The following PLEKHM3 variants were observed in gnomAD, a reference collection of about 807,000 sequenced individuals.
PLEKHM3 encodes pleckstrin homology domain containing M3, also known as pleckstrin homology domain-containing family M member 3.
In PLEKHM3, 45 loss-of-function variants were observed where a neutral mutation model predicts 81.8. The ratio of observed to expected loss-of-function variants is 0.55; its 90% CI spans 0.43 to 0.71. The LOEUF (loss-of-function observed/expected upper bound fraction) is 0.71, where lower values mean the gene tolerates loss of function less well. PLEKHM3 is among the 30% of genes least tolerant of loss of function. The probability of loss-of-function intolerance (pLI) is 0.00; values close to 1 mark genes in which losing one functional copy is unlikely to be tolerated. For missense variants in PLEKHM3, 788 were observed against 924.3 expected, an observed-to-expected ratio of 0.85 and a Z score of 1.91; for synonymous variants, 352 against 356.4, an observed-to-expected ratio of 0.99 and a Z score of 0.14.
chr2:207,984,323 A>T (rs886084380), intron 2 of PLEKHM3, among the ~76,000 whole-genome samples: 1 of 152,022 alleles, frequency 6.6e-6, no homozygotes, highest in Non-Finnish European at 1.5e-5. Context: ...CTTTTTTCAC[A>T]CCCAACAAAA....
chr2:208,015,595 C>T (rs543598285), intron 1 of PLEKHM3, among the ~76,000 whole-genome samples: 80 of 152,292 alleles, frequency 5.3e-4, no homozygotes, highest in African/African-American at 1.9e-3. Context: ...AATAGCTAAC[C>T]TCAATTGTCT....
In PLEKHM3 at chr2:207,983,113, A is replaced by G. The variant is rs1435994222; in HGVS notation, c.611-5527T>C. Among the ~76,000 whole-genome samples the G allele has an allele frequency of 2.1e-5, 3 of 144,036 alleles. No individual in the cohort carries two copies. The East Asian group carries it at 6.2e-4, about 30-fold the overall frequency. The allele number at this position is 144,036 out of a possible 152,430, so 94.5% of individuals were successfully genotyped here. A position where few individuals can be genotyped will look rare whatever the true frequency, so the allele number is the denominator to read the frequency against. ...GTCGCCCAGGCTGGAGTGCAGTGGC[A>G]TGATCTCGGCTTACTGCCAGCTCCG... On this transcript the variant is annotated intron_variant, in intron 2 of 7. Coordinates refer to ENST00000427836, the MANE Select transcript of PLEKHM3 (RefSeq NM_001080475.3).
chr2:207,837,749 G>A (rs1477113744), intron 7 of PLEKHM3, among the ~76,000 whole-genome samples: 4 of 134,802 alleles, frequency 3.0e-5, no homozygotes, highest in Non-Finnish European at 1.5e-5. Flanking sequence ...ACGGCGCCTG[G>A]CCGGTTCTTC....
At chr2:207,905,820 G>A (rs1688582526) in intron 6 of PLEKHM3, among the ~76,000 whole-genome samples, 1 of 152,152 alleles carries the variant, frequency 6.6e-6, no homozygotes, top group Non-Finnish European at 1.5e-5. Context: ...ACTGAAAACT[G>A]ATTAAGCTGC....
In PLEKHM3 at chr2:207,828,332, T is replaced by C; in HGVS notation, c.2273A>G (p.Tyr758Cys). 6.2e-7 allele frequency: 1 copy of C among 1,612,816 alleles called. No individual in the cohort carries two copies. The highest frequency in any genetic ancestry group is 8.5e-7 in the Non-Finnish European group (1 of 1,179,470). The change falls in exon 8 of 8, where the codon TAC becomes TGC. Residue 758 changes from tyrosine to cysteine, a missense_variant. By Grantham distance (194) the Tyr-to-Cys change is radical. Coordinates refer to ENST00000427836, the MANE Select transcript of PLEKHM3 (RefSeq NM_001080475.3). ...EEACTMFELS[Y>C]QNT ...GGTCGGCTGGAGTCAGGTGTTCTGGTAGGACAGCTCGAACATGGTGCAAGC... is the reference window on the plus strand; with the variant it reads ...GGTCGGCTGGAGTCAGGTGTTCTGGCAGGACAGCTCGAACATGGTGCAAGC...
At position 207,843,624 on chromosome 2, in the gene PLEKHM3, G is replaced by A. The variant is rs965380033; in HGVS notation, c.2109-15128C>T. On this transcript the variant is annotated intron_variant, in intron 7 of 7. Coordinates refer to ENST00000427836, the MANE Select transcript of PLEKHM3 (RefSeq NM_001080475.3). The surrounding 1 kb of genome is among the most constrained non-coding windows in gnomAD (Gnocchi z 4.4). ...CCTCAGGCCTCTGAGCTCATTCCAC[G>A]CTGCCTCCCTCTCTGACTCCTGTGT... Among the ~76,000 whole-genome samples, 2 of 151,944 alleles carry A rather than the reference G, an allele frequency of 1.3e-5. No homozygotes were observed. The highest frequency in any genetic ancestry group is 6.6e-5 in the Admixed American group (1 of 15,262).
chr2:207,903,653 T>C lies in PLEKHM3; in HGVS notation c.1950+4861A>G, dbSNP rs184039189. Among the ~76,000 whole-genome samples the C allele has an allele frequency of 1.7e-3, 260 of 152,346 alleles. 2 individuals carry two copies. Among genetic ancestry groups the C allele is most frequent in the African/African-American group, 6.0e-3 (250 of 41,588 alleles). ...TTTACACAGTCCAAAGACTGACATA[T>C]TAAACCAGAGTTCTGATTTGCTCCT... On this transcript the variant is annotated intron_variant, in intron 6 of 7. Coordinates refer to ENST00000427836, the MANE Select transcript of PLEKHM3 (RefSeq NM_001080475.3).
chr2:207,883,312 C>T (rs1342108120), intron 6 of PLEKHM3, among the ~76,000 whole-genome samples: 2 of 152,176 alleles, frequency 1.3e-5, no homozygotes, highest in African/African-American at 2.4e-5. Flanking sequence ...GGCATCAAAA[C>T]ATCAGAGTCC....
At chr2:207,863,263 GCCC>G (rs1332718102) in intron 6 of PLEKHM3, among the ~76,000 whole-genome samples, 1 of 152,142 alleles carries the variant, frequency 6.6e-6, no homozygotes, top group African/African-American at 2.4e-5. Context: ...AGATGAAGCA[GCCC>G]CCCAGTGCCT....
chr2:207,872,604 GA>G (rs1344792754), intron 6 of PLEKHM3, among the ~76,000 whole-genome samples: 2 of 152,176 alleles, frequency 1.3e-5, no homozygotes, highest in Non-Finnish European at 2.9e-5. Context: ...TTGGGAGGCT[GA>G]GGGGGATGGA....
intron 5 of PLEKHM3, among the ~76,000 whole-genome samples, chr2:207,912,601 T>C (rs1000085363): frequency 1.3e-5 from 2 of 152,192 alleles, no homozygotes; most frequent in African/African-American, 4.8e-5. Context: ...CCTTTTTTTC[T>C]CCCTGGAGGA....
intron 7 of PLEKHM3, among the ~76,000 whole-genome samples, chr2:207,837,852 C>T (rs1246102989): frequency 6.9e-6 from 1 of 144,168 alleles, no homozygotes; most frequent in African/African-American, 2.6e-5. Context: ...CTCACTGCAA[C>T]CTCCATATCC....
rs560586511 is a variant in PLEKHM3, at chr2:207,929,853, A to T, written c.1886+1073T>A. 3 of 673,880 alleles carry T rather than the reference A, an allele frequency of 4.5e-6. No homozygotes were observed. In the Admixed American group the frequency reaches 6.6e-5, roughly 15 times the overall value. 41.7% of individuals were successfully genotyped at this position (673,880 alleles called of 1,614,324 possible). On this transcript the variant is annotated intron_variant, in intron 5 of 7. Coordinates refer to ENST00000427836, the MANE Select transcript of PLEKHM3 (RefSeq NM_001080475.3). ...GGATCTAATTGGATCTCAAAACTCC[A>T]TCACTTCAATACTTTCCAAAAGTTC...
At chr2:207,966,533 C>T (rs922501730) in intron 3 of PLEKHM3, among the ~76,000 whole-genome samples, 2 of 152,160 alleles carry the variant, frequency 1.3e-5, no homozygotes, top group African/African-American at 4.8e-5. Context: ...CACTATCACA[C>T]ATCAATAGAT....
At chr2:207,862,238 T>C (rs2092471252) in intron 6 of PLEKHM3, among the ~76,000 whole-genome samples, 1 of 152,230 alleles carries the variant, frequency 6.6e-6, no homozygotes, top group South Asian at 2.1e-4. Context: ...GGTTTTGACA[T>C]AAGAAAACAA....
chr2:207,987,464 C>A (rs1050188239), intron 2 of PLEKHM3, among the ~76,000 whole-genome samples: 4 of 152,186 alleles, frequency 2.6e-5, no homozygotes, highest in African/African-American at 4.8e-5. Flanking sequence ...AAAGCAAAGA[C>A]AAAAATCAAT....
chr2:207,967,718 C>A (rs1037502315), intron 3 of PLEKHM3, among the ~76,000 whole-genome samples: 1 of 152,160 alleles, frequency 6.6e-6, no homozygotes, highest in African/African-American at 2.4e-5. Context: ...AACAGCTAGC[C>A]TCATATGACA....
chr2:207,897,088 A>G (rs905488528), intron 6 of PLEKHM3, among the ~76,000 whole-genome samples: 2 of 152,164 alleles, frequency 1.3e-5, no homozygotes, highest in African/African-American at 2.4e-5. Flanking sequence ...CAATTCCCCT[A>G]TGGAGCCACT....
At chr2:207,967,972 T>C (rs748035953) in intron 3 of PLEKHM3, among the ~76,000 whole-genome samples, 3 of 152,100 alleles carry the variant, frequency 2.0e-5, no homozygotes, top group Non-Finnish European at 4.4e-5. Context: ...GTACCTTTAC[T>C]GACAAACTTC....
Sources: allele counts gnomAD v4.1 joint callset (sites outside exome capture counted in the v4.1 genomes callset), GRCh38; gene constraint gnomAD v4.1.1; non-coding constraint Gnocchi (gnomAD v3.1); transcripts MANE v1.5; gene names NCBI Gene and HGNC (gene_info 2026-07-23, HGNC 2026-07-21).